The following PCNT variants were observed in gnomAD, a reference collection of about 807,000 sequenced individuals.
The protein encoded by PCNT is kendrin.
Under a neutral mutation model 380.4 loss-of-function variants are expected in PCNT, and 319 were observed. That is an observed-to-expected ratio of 0.84 (90% CI 0.77 to 0.92). The LOEUF (loss-of-function observed/expected upper bound fraction) is 0.92, where lower values mean the gene tolerates loss of function less well. PCNT is among the 40% of genes least tolerant of loss of function. The probability of loss-of-function intolerance (pLI) is 0.00; values close to 1 mark genes in which losing one functional copy is unlikely to be tolerated. For synonymous variants in PCNT, 1,845 were observed against 1,735.2 expected (o/e 1.06, Z -1.57); for missense variants, 4,400 against 4,255.3 (o/e 1.03, Z -0.95).
At chr21:46,325,965 C>T (rs998257029) in intron 1 of PCNT, among the ~76,000 whole-genome samples, 2 of 152,140 alleles carry the variant, frequency 1.3e-5, no homozygotes, top group Admixed American at 6.5e-5. Flanking sequence ...GAAGTTTTGG[C>T]TGGGCTATAT....
At chr21:46,349,402 T>C (rs1196621074) in intron 7 of PCNT, among the ~76,000 whole-genome samples, 2 of 152,226 alleles carry the variant, frequency 1.3e-5, no homozygotes, top group Non-Finnish European at 2.9e-5. Flanking sequence ...GAGATTTTTC[T>C]TGGCATGTTC....
At chr21:46,364,551 G>A (rs2084833037) in intron 14 of PCNT, among the ~76,000 whole-genome samples, 1 of 152,230 alleles carries the variant, frequency 6.6e-6, no homozygotes, top group Non-Finnish European at 1.5e-5. Flanking sequence ...TATCCACTAA[G>A]CGTTTTTGTG....
intron 42 of PCNT, among the ~76,000 whole-genome samples, chr21:46,440,497 G>C (rs1204339003): frequency 1.3e-5 from 2 of 152,222 alleles, no homozygotes. Context: ...GCCGGGATTC[G>C]GCCCAAGATC....
Position 46,443,909 on chromosome 21 carries a change from G to T in PCNT, c.9800G>T (p.Arg3267Leu). ...CACACCAGGGACCCTGCCAGAGGCC[G>T]CAGACTGGCAGCAGCAGCCTCCCCA... ...SGHTRDPARG[R>L]RLAAAASPHS... is the part of the protein sequence containing the mutation. Residue 3267 changes from arginine (R) to leucine (L), a missense_variant, in exon 45 of 47, where the codon CGC becomes CTC. By Grantham distance (102) the Arg-to-Leu change is moderately radical. Transcript: ENST00000359568. 1 of 1,612,578 alleles carries T rather than the reference G, an allele frequency of 6.2e-7. No individual in the cohort carries two copies. Among genetic ancestry groups the T allele is most frequent in the Non-Finnish European group, 8.5e-7 (1 of 1,179,976 alleles).
chr21:46,430,429 T>G, intron 36 of PCNT, 78 bp from the exon 37 acceptor site: 1 of 1,521,766 alleles, frequency 6.6e-7, no homozygotes, highest in Non-Finnish European at 8.9e-7. Context: ...GGGCTCTGCC[T>G]CCCCTCCTGG....
intron 1 of PCNT, among the ~76,000 whole-genome samples, chr21:46,325,751 C>T (rs1569151976): frequency 6.6e-6 from 1 of 152,218 alleles, no homozygotes; most frequent in Non-Finnish European, 1.5e-5. Context: ...GAGGCTCGCA[C>T]ATAGTCTCAA....
intron 44 of PCNT, 187 bp downstream of exon 44, chr21:46,442,760 A>G (rs967028060): frequency 9.4e-6 from 6 of 641,364 alleles, no homozygotes; most frequent in South Asian, 1.8e-5. Flanking sequence ...GTCAGAGCTC[A>G]TGTTAGCTAT....
Position 46,347,489 on chromosome 21 carries a change from G to A in PCNT, c.1009G>A (p.Glu337Lys). 4 of 1,613,844 alleles carry A rather than the reference G, an allele frequency of 2.5e-6. No individual in the cohort carries two copies. Among genetic ancestry groups the A allele is most frequent in the Non-Finnish European group, 3.4e-6 (4 of 1,179,926 alleles). The change falls in exon 6 of 47, where the codon GAG becomes AAG. Residue 337 changes from glutamate (E) to lysine (K), a missense_variant. Glu to Lys is a moderately conservative substitution (Grantham distance 56). Coordinates refer to ENST00000359568, the MANE Select transcript of PCNT (RefSeq NM_006031.6). Reference protein sequence around the residue: ...ELKEKLQSEMEKNAQIVKTLK... With the variant: ...ELKEKLQSEMKKNAQIVKTLK... ...GAAGGAGAAGTTACAATCAGAAATG[G>A]AGAAAAACGCCCAGATAGTAAAGGT...
At chr21:46,390,173 C>T (rs935620916) in intron 19 of PCNT, among the ~76,000 whole-genome samples, 2 of 152,198 alleles carry the variant, frequency 1.3e-5, no homozygotes, top group Admixed American at 6.5e-5. Flanking sequence ...GTTAGCCAGG[C>T]GTGGTGGCAT....
Position 46,352,997 on chromosome 21 carries a change from C to G in PCNT, c.1457-107C>G, listed in dbSNP as rs1216974327. ...TCCCTCTCCGGTTCTGGGATGGGCCCTTTTCCGAGTTCTGCCCCCACCACA... is the reference window on the plus strand; with the variant it reads ...TCCCTCTCCGGTTCTGGGATGGGCCGTTTTCCGAGTTCTGCCCCCACCACA... On this transcript the variant is annotated intron_variant, in intron 9 of 46. Transcript: ENST00000359568. 4 of 891,542 alleles carry G rather than the reference C, an allele frequency of 4.5e-6. No homozygotes were observed. In the Admixed American group the frequency reaches 5.9e-5, roughly 13 times the overall value. The allele number at this position is 891,542 out of a possible 1,614,324, so 55.2% of individuals were successfully genotyped here.
chr21:46,352,826 C>T (rs1004281462), intron 9 of PCNT, among the ~76,000 whole-genome samples: 1 of 152,166 alleles, frequency 6.6e-6, no homozygotes, highest in African/African-American at 2.4e-5. Context: ...GCAGGACCAT[C>T]GTCTGTCTCC....
rs1337336944 is a variant in PCNT, at chr21:46,411,223, T to C, written c.5150T>C (p.Leu1717Pro). Residue 1717 changes from leucine (L) to proline (P), a missense_variant, in exon 28 of 47, where the codon CTG (leucine) becomes CCG (proline). Leu to Pro is a moderately conservative substitution (Grantham distance 98). Transcript: ENST00000359568. ...ACCAGAAGTTCTGAGATTGAAGAGC[T>C]GAAAGCCACTATTGAAAATCTGCAA... ...IYTRSSEIEELKATIENLQEN... is the reference protein window; with the variant it reads ...IYTRSSEIEEPKATIENLQEN... The C allele has an allele frequency of 5.6e-6, 9 of 1,614,034 alleles. No homozygotes were observed. Among genetic ancestry groups the C allele is most frequent in the East Asian group, 2.2e-5 (1 of 44,894 alleles).
intron 3 of PCNT, among the ~76,000 whole-genome samples, chr21:46,337,671 T>G (rs2083792932): frequency 6.6e-6 from 1 of 152,134 alleles, no homozygotes. Flanking sequence ...CAATCTCCGC[T>G]TCCCGGATTC....
At chr21:46,356,417 C>T (rs906070970) in intron 12 of PCNT, among the ~76,000 whole-genome samples, 3 of 152,262 alleles carry the variant, frequency 2.0e-5, no homozygotes, top group Admixed American at 2.0e-4. Flanking sequence ...CCCTTGATGC[C>T]CATGGTCGTT....
chr21:46,359,371 T>A (rs1354445578), intron 13 of PCNT, among the ~76,000 whole-genome samples: 1 of 146,012 alleles, frequency 6.8e-6, no homozygotes, highest in East Asian at 1.9e-4. Context: ...AATTCTTGTT[T>A]TGAGTATGTG....
intron 32 of PCNT, among the ~76,000 whole-genome samples, chr21:46,424,684 G>A (rs979791891): frequency 9.9e-5 from 6 of 60,332 alleles, no homozygotes; most frequent in Non-Finnish European, 1.6e-4. Flanking sequence ...CCTGCCCGCC[G>A]CCCTGCTCCC....
rs201798996 is a variant in PCNT, at chr21:46,441,025, C to T, written c.9564C>T (p.Ile3188=). ...TTCCTTCCAAAGCAGAACGGAAAAT[C>T]ACATCTCGTCCTTTCACCAGGTTCC... is the stretch of plus-strand genomic sequence containing the variant. The part of the protein sequence containing the change: ...GVFPSKAERK[I]TSRPFTRFRT... The change falls in exon 43 of 47, where the codon ATC becomes ATT. Residue 3188 remains isoleucine (I), a synonymous_variant. Coordinates refer to ENST00000359568, the MANE Select transcript of PCNT (RefSeq NM_006031.6). 5.4e-5 allele frequency: 87 copies of T among 1,614,006 alleles called. 2 individuals carry two copies. In the East Asian group the frequency reaches 8.2e-4, roughly 15 times the overall value.
At chr21:46,400,671 C>G (rs1362174502) in intron 25 of PCNT, among the ~76,000 whole-genome samples, 2 of 151,996 alleles carry the variant, frequency 1.3e-5, no homozygotes, top group Admixed American at 6.6e-5. Flanking sequence ...AGGCACGCGC[C>G]ACCACGCCTG....
chr21:46,346,818 C>T lies in PCNT; in HGVS notation c.796C>T (p.Gln266Ter). Residue 266 changes from glutamine to a stop codon, truncating the protein, a stop_gained, in exon 5 of 47, where the codon CAG becomes TAG. Transcript: ENST00000359568. LOFTEE classifies it high-confidence loss of function. ...NMHTAQLELT[Q>*]ANLQKEKETA... ...GCACACGGCGCAGCTGGAGCTGACA[C>T]AGGCCAACCTCCAGAAGGAGAAGGA... is the stretch of plus-strand genomic sequence containing the variant. 6.2e-7 allele frequency: 1 copy of T among 1,604,722 alleles called. No individual in the cohort carries two copies.
Sources: allele counts gnomAD v4.1 joint callset (sites outside exome capture counted in the v4.1 genomes callset), GRCh38; gene constraint gnomAD v4.1.1; transcripts MANE v1.5; gene names NCBI Gene and HGNC (gene_info 2026-07-23, HGNC 2026-07-21).